PTPRM: variants seen among roughly 807,000 people sequenced by gnomAD.
PTPRM encodes the protein protein tyrosine phosphatase receptor type M.
Under a neutral mutation model 186.7 loss-of-function variants are expected in PTPRM, and 47 were observed. The ratio of observed to expected loss-of-function variants is 0.25; its 90% CI spans 0.20 to 0.32. The LOEUF is 0.32. Among genes scored for constraint, PTPRM ranks in the 10% least tolerant of loss-of-function variants. PTPRM has a pLI of 1.00. For synonymous variants in PTPRM, 668 were observed against 674.9 expected (o/e 0.99, Z 0.16); for missense variants, 1,494 against 1,865.0 (o/e 0.80, Z 3.66).
chr18:7,969,586 G>T (rs1430845279), intron 7 of PTPRM, among the ~76,000 whole-genome samples: 40 of 146,090 alleles, frequency 2.7e-4, no homozygotes, highest in Non-Finnish European at 4.9e-4. Flanking sequence ...AAAAAAGAGA[G>T]AAGAATCAAA....
intron 5 of PTPRM, among the ~76,000 whole-genome samples, chr18:7,941,421 A>G (rs2052167245): frequency 6.6e-6 from 1 of 152,270 alleles, no homozygotes; most frequent in African/African-American, 2.4e-5. Context: ...AATGATGAAG[A>G]TGATGCTAAA....
At chr18:8,046,234 C>A (rs138800962) in intron 7 of PTPRM, among the ~76,000 whole-genome samples, 15 of 152,270 alleles carry the variant, frequency 9.9e-5, no homozygotes, top group African/African-American at 3.6e-4. Flanking sequence ...TCAATGAAAC[C>A]TCTTTTCTTT....
chr18:7,698,352 A>G (rs1022338158), intron 1 of PTPRM, among the ~76,000 whole-genome samples: 1 of 152,168 alleles, frequency 6.6e-6, no homozygotes, highest in African/African-American at 2.4e-5. Context: ...GAGAAATACC[A>G]TTTGGCTCAA....
At chr18:8,130,973 G>A (rs1008586746) in intron 13 of PTPRM, among the ~76,000 whole-genome samples, 1 of 152,166 alleles carries the variant, frequency 6.6e-6, no homozygotes, top group Non-Finnish European at 1.5e-5. Flanking sequence ...GCACAAACCT[G>A]GCTCCAAGGG....
chr18:7,855,165 T>C (rs747225177), intron 2 of PTPRM, among the ~76,000 whole-genome samples: 4 of 152,194 alleles, frequency 2.6e-5, no homozygotes, highest in African/African-American at 9.7e-5. Flanking sequence ...CTTGCTAACC[T>C]TCTGTGTACC....
chr18:7,715,998 T>A (rs1176916175), intron 1 of PTPRM, among the ~76,000 whole-genome samples: 1 of 152,116 alleles, frequency 6.6e-6, no homozygotes, highest in Admixed American at 6.5e-5. Context: ...CTTCAGAGAA[T>A]TAGAAAAAAC....
chr18:7,969,570 T>C lies in PTPRM; in HGVS notation c.1132+14156T>C, dbSNP rs373129066. Among the ~76,000 whole-genome samples the C allele has an allele frequency of 9.3e-3, 1,354 of 145,760 alleles. 25 individuals carry two copies. The highest frequency in any genetic ancestry group is 9.9e-3 in the Non-Finnish European group (658 of 66,772). Reference sequence around the variant, plus strand: ...ATTGATAGACCGCTAGCAAGACTAATAAAGAAAAAAAGAGAGAAGAATCAA... The same window carrying C: ...ATTGATAGACCGCTAGCAAGACTAACAAAGAAAAAAAGAGAGAAGAATCAA... On this transcript the variant is annotated intron_variant, in intron 7 of 32. Transcript: ENST00000580170.
intron 14 of PTPRM, among the ~76,000 whole-genome samples, chr18:8,200,654 A>G (rs2093843189): frequency 6.6e-6 from 1 of 152,266 alleles, no homozygotes; most frequent in Non-Finnish European, 1.5e-5. Context: ...TACATCATGC[A>G]AGTTGTAGTC....
chr18:7,979,831 T>G (rs2082448309), intron 7 of PTPRM, among the ~76,000 whole-genome samples: 1 of 152,094 alleles, frequency 6.6e-6, no homozygotes, highest in South Asian at 2.1e-4. Context: ...GCACTGGCAT[T>G]TCCAGTGAAG....
chr18:8,157,767 C>T (rs553757280), intron 14 of PTPRM, among the ~76,000 whole-genome samples: 4 of 152,320 alleles, frequency 2.6e-5, no homozygotes, highest in South Asian at 4.2e-4. Context: ...GTCCTCTAAA[C>T]CCCAAATGCT....
chr18:8,331,439 C>T (rs1011208049), intron 22 of PTPRM, among the ~76,000 whole-genome samples: 2 of 152,232 alleles, frequency 1.3e-5, no homozygotes, highest in East Asian at 1.9e-4. Flanking sequence ...CAGGACTGTC[C>T]GCTCCCCACT....
chr18:8,016,975 C>G (rs2084908601), intron 7 of PTPRM, among the ~76,000 whole-genome samples: 1 of 152,116 alleles, frequency 6.6e-6, no homozygotes, highest in South Asian at 2.1e-4. Context: ...TTACATAATA[C>G]AGTAATAGTT....
chr18:8,037,314 C>G (rs2086396148), intron 7 of PTPRM, among the ~76,000 whole-genome samples: 1 of 152,094 alleles, frequency 6.6e-6, no homozygotes, highest in Admixed American at 6.5e-5. Flanking sequence ...TTACTAAATT[C>G]CAGGCTCTCA....
At chr18:8,210,084 G>A (rs2093983217) in intron 14 of PTPRM, among the ~76,000 whole-genome samples, 1 of 151,354 alleles carries the variant, frequency 6.6e-6, no homozygotes, top group Admixed American at 6.6e-5. Context: ...GGCTGAGGTG[G>A]CAGATCGCTT....
intron 19 of PTPRM, among the ~76,000 whole-genome samples, chr18:8,255,511 G>A (rs1419530193): frequency 6.6e-6 from 1 of 152,070 alleles, no homozygotes; most frequent in Non-Finnish European, 1.5e-5. Context: ...TCAAAATAAA[G>A]TGTTGTATTC....
chr18:8,088,597 G>T, intron 10 of PTPRM, 152 bp from the exon 11 acceptor site: 1 of 635,800 alleles, frequency 1.6e-6, no homozygotes, highest in Non-Finnish European at 2.8e-6. Context: ...TCTATGTAGG[G>T]AATATATGTG....
chr18:8,285,789 C>G (rs959645112), intron 19 of PTPRM, among the ~76,000 whole-genome samples: 1 of 152,024 alleles, frequency 6.6e-6, no homozygotes, highest in Non-Finnish European at 1.5e-5. Flanking sequence ...CCCAGGGGTT[C>G]GAGACCAGCC....
At chr18:7,720,905 T>A (rs1387302562) in intron 1 of PTPRM, among the ~76,000 whole-genome samples, 1 of 152,150 alleles carries the variant, frequency 6.6e-6, no homozygotes, top group Non-Finnish European at 1.5e-5. Flanking sequence ...GCTTCTACTT[T>A]TTGGCTGTGA....
At chr18:8,337,907 G>A (rs1036975712) in intron 22 of PTPRM, among the ~76,000 whole-genome samples, 1 of 152,210 alleles carries the variant, frequency 6.6e-6, no homozygotes, top group African/African-American at 2.4e-5. Flanking sequence ...GAGAGCAGCG[G>A]AAAGCTGTGG....
Sources: allele counts gnomAD v4.1 joint callset (sites outside exome capture counted in the v4.1 genomes callset), GRCh38; gene constraint gnomAD v4.1.1; transcripts MANE v1.5; gene names NCBI Gene and HGNC (gene_info 2026-07-23, HGNC 2026-07-21).